Variants in PAPOLB observed in about 807,000 individuals in gnomAD.
PAPOLB encodes poly(A) polymerase beta.
Under a neutral mutation model 23.2 loss-of-function variants are expected in PAPOLB, and 19 were observed. The ratio of observed to expected loss-of-function variants is 0.82; its 90% CI spans 0.57 to 1.20. The LOEUF (loss-of-function observed/expected upper bound fraction) is 1.20. Ranked by LOEUF, PAPOLB falls within the 50% of genes most tolerant of loss-of-function variation. The pLI is 0.00. For synonymous variants in PAPOLB, 360 were observed against 290.7 expected (o/e 1.24, Z -2.43); for missense variants, 822 against 776.8 (o/e 1.06, Z -0.69).
rs770769746 is a variant in PAPOLB, at chr7:4,861,259, G to C, written c.552C>G (p.Asp184Glu). 6.2e-7 allele frequency: 1 copy of C among 1,614,094 alleles called. No individual in the cohort carries two copies. Among genetic ancestry groups the C allele is most frequent in the Non-Finnish European group, 8.5e-7 (1 of 1,179,946 alleles). The change falls in exon 1 of 1, where the codon GAC becomes GAG. Residue 184 changes from aspartate to glutamate, a missense_variant. Around this residue, in one of 3 missense-constraint regions of PAPOLB, gnomAD observed 276 missense variants for 243.9 expected, o/e 1.13. Coordinates refer to ENST00000404991, the MANE Select transcript of PAPOLB (RefSeq NM_020144.5). ...TTTTAAGTAGACTGTCATCTCTTAA[G>C]TCCAAATCTTCTGGAATAGTCTGTA... ...LALQTIPEDL[D>E]LRDDSLLKNL... is the part of the protein sequence containing the mutation.
chr7:4,860,392 CA>C lies in PAPOLB; in HGVS notation c.1418del (p.Val473GlyfsTer10), dbSNP rs761523603. ...TACCCATCTCAAACATCTTACTATTCACTGCTTGCCTATAAACAGTATCTGT... is the reference window on the plus strand; with the variant it reads ...TACCCATCTCAAACATCTTACTATTCCTGCTTGCCTATAAACAGTATCTGT... The part of the protein sequence containing the change: ...SFTDTVYRQA[V>X]NSKMFEMGMK... On this transcript the variant is annotated frameshift_variant, in exon 1 of 1. Coordinates refer to ENST00000404991, the MANE Select transcript of PAPOLB (RefSeq NM_020144.5). LOFTEE classifies it low-confidence loss of function (END_TRUNC). 6.2e-7 allele frequency: 1 copy of C among 1,613,842 alleles called. No individual in the cohort carries two copies. Among genetic ancestry groups the C allele is most frequent in the African/African-American group, 1.3e-5 (1 of 74,934 alleles).
Position 4,861,977 on chromosome 7 carries a change from T to TCCCCTCAGCCCCAACATGGCGCCAGA in PAPOLB, c.-193_-168dup, listed in dbSNP as rs1784021196. The stretch of plus-strand genomic sequence containing the variant: ...CGCCGCTTCAGGAGCTTCTCCTCCT[T>TCCCCTCAGCCCCAACATGGCGCCAGA]CCCCTCAGCCCCAACATGGCGCCAG... On this transcript the variant is annotated 5_prime_UTR_variant, in exon 1 of 1. In the 5' UTR this introduces an upstream ATG that the reference lacks. Transcript: ENST00000404991. 2.2e-6 allele frequency: 1 copy of TCCCCTCAGCCCCAACATGGCGCCAGA among 455,052 alleles called. No individual in the cohort carries two copies. The highest frequency in any genetic ancestry group is 2.1e-5 in the African/African-American group (1 of 48,676). The allele number at this position is 455,052 out of a possible 1,614,324, so 28.2% of individuals were successfully genotyped here. A position where few individuals can be genotyped will look rare whatever the true frequency, so the allele number is the denominator to read the frequency against.
Position 4,861,834 on chromosome 7 carries a change from G to GCACGTCCCCACCACCGCGACCTT in PAPOLB, c.-25_-24insAAGGTCGCGGTGGTGGGGACGTG, listed in dbSNP as rs1554264945. On this transcript the variant is annotated 5_prime_UTR_variant, in exon 1 of 1. An upstream open reading frame in the 5' UTR loses its in-frame stop. Transcript: ENST00000404991. ...ATCTTTCAGCGCCCGCCCCGCCAGG[G>GCACGTCCCCACCACCGCGACCTT]CACGTCCCCCACCACCGCGACCTTC... The GCACGTCCCCACCACCGCGACCTT allele has an allele frequency of 1.6e-6, 2 of 1,268,416 alleles. No homozygotes were observed. Among genetic ancestry groups the GCACGTCCCCACCACCGCGACCTT allele is most frequent in the Non-Finnish European group, 2.1e-6 (2 of 972,356 alleles). 78.6% of individuals were successfully genotyped at this position (1,268,416 alleles called of 1,614,324 possible).
rs1294688105 is a variant in PAPOLB at position 4,861,732 on chromosome 7, T to G, written c.79A>C (p.Ile27Leu). 1 of 1,527,170 alleles carries G rather than the reference T, an allele frequency of 6.5e-7. No individual in the cohort carries two copies. The highest frequency in any genetic ancestry group is 1.4e-5 in the African/African-American group (1 of 71,862). 94.6% of individuals were successfully genotyped at this position (1,527,170 alleles called of 1,614,324 possible). ...GTCTCCTTGGGGACCGCTAGACTGA[T>G]AGGCGAGGAGACGCCGTAGCGATTC... ...PPNRYGVSSP[I>L]SLAVPKETDC... Residue 27 changes from isoleucine to leucine, a missense_variant, in exon 1 of 1, where the codon ATC (isoleucine) becomes CTC (leucine). Ile to Leu is a conservative substitution (Grantham distance 5, BLOSUM62 2). This residue lies in a region of PAPOLB where 276 missense variants were observed against 243.9 expected (regional missense o/e 1.13). Transcript: ENST00000404991.
At position 4,859,997 on chromosome 7, in the gene PAPOLB, G is replaced by A. The variant is rs1783937406; in HGVS notation, c.1814C>T (p.Pro605Leu). 1 of 1,613,994 alleles carries A rather than the reference G, an allele frequency of 6.2e-7. No homozygotes were observed. The highest frequency in any genetic ancestry group is 8.5e-7 in the Non-Finnish European group (1 of 1,179,834). The change falls in exon 1 of 1, where the codon CCA becomes CTA. Residue 605 changes from proline to leucine, a missense_variant. Pro to Leu is a moderately conservative substitution (Grantham distance 98). Transcript: ENST00000404991. ...PHAVSQPAIS[P>L]SPKAMVARVV... is the part of the protein sequence containing the mutation. ...TCTGGCGACCATGGCCTTTGGTGAT[G>A]GAGAAATGGCAGGCTGAGAGACAGC...
Position 4,861,834 on chromosome 7 carries a change from G to GCACGTCCCCCACCACCGAGACCTT in PAPOLB, c.-25_-24insAAGGTCTCGGTGGTGGGGGACGTG. 7.9e-7 allele frequency: 1 copy of GCACGTCCCCCACCACCGAGACCTT among 1,268,420 alleles called. No individual in the cohort carries two copies. The highest frequency in any genetic ancestry group is 1.0e-6 in the Non-Finnish European group (1 of 972,360). 78.6% of individuals were successfully genotyped at this position (1,268,420 alleles called of 1,614,324 possible). A position where few individuals can be genotyped will look rare whatever the true frequency, so the allele number is the denominator to read the frequency against. ...ATCTTTCAGCGCCCGCCCCGCCAGG[G>GCACGTCCCCCACCACCGAGACCTT]CACGTCCCCCACCACCGCGACCTTC... is the stretch of plus-strand genomic sequence containing the variant. On this transcript the variant is annotated 5_prime_UTR_variant, in exon 1 of 1. Coordinates refer to ENST00000404991, the MANE Select transcript of PAPOLB (RefSeq NM_020144.5).
Position 4,859,540 on chromosome 7 carries a change from T to A in PAPOLB, c.*357A>T, listed in dbSNP as rs528724649. On this transcript the variant is annotated 3_prime_UTR_variant, in exon 1 of 1. Transcript: ENST00000404991. ...ATCAAGACTGGCTCAGTAAAGGAAGTTACCAAATGAGCCTCAATCTATTTC... is the reference window on the plus strand; with the variant it reads ...ATCAAGACTGGCTCAGTAAAGGAAGATACCAAATGAGCCTCAATCTATTTC... 38 of 209,800 alleles carry A rather than the reference T, an allele frequency of 1.8e-4. No individual in the cohort carries two copies. The highest frequency in any genetic ancestry group is 7.9e-4 in the African/African-American group (34 of 42,930). The allele number at this position is 209,800 out of a possible 1,614,324, so 13.0% of individuals were successfully genotyped here.
rs1447819547 is a variant in PAPOLB, at chr7:4,860,978, G to A, written c.833C>T (p.Ser278Leu). 6.2e-7 allele frequency: 1 copy of A among 1,614,144 alleles called. No homozygotes were observed. The highest frequency in any genetic ancestry group is 8.5e-7 in the Non-Finnish European group (1 of 1,180,022). The change falls in exon 1 of 1, where the codon TCA becomes TTA. Residue 278 changes from serine (S) to leucine (L), a missense_variant. Transcript: ENST00000404991. ...TLVRKFFLVF[S>L]EWEWPNPVLL... ...CACTGGGTTTGGCCATTCCCATTCT[G>A]AAAATACCAAGAAGAATTTCCGTAC...
At position 4,861,885 on chromosome 7, in the gene PAPOLB, G is replaced by C; in HGVS notation, c.-75C>G. ...GCGGCCGCCGCCCGGGTCATGATCCGCTGAGGCGGAAGGGCAGGGCTTCTA... is the reference window on the plus strand; with the variant it reads ...GCGGCCGCCGCCCGGGTCATGATCCCCTGAGGCGGAAGGGCAGGGCTTCTA... On this transcript the variant is annotated 5_prime_UTR_variant, in exon 1 of 1. Transcript: ENST00000404991. The C allele has an allele frequency of 1.8e-6, 1 of 558,378 alleles. No individual in the cohort carries two copies. Among genetic ancestry groups the C allele is most frequent in the Non-Finnish European group, 2.4e-6 (1 of 412,988 alleles). 34.6% of individuals were successfully genotyped at this position (558,378 alleles called of 1,614,324 possible). A position where few individuals can be genotyped will look rare whatever the true frequency, so the allele number is the denominator to read the frequency against.
In PAPOLB at chr7:4,860,418, T is replaced by G. The variant is rs768350988; in HGVS notation, c.1393A>C (p.Thr465Pro). The change falls in exon 1 of 1, where the codon ACA becomes CCA. Residue 465 changes from threonine (T) to proline (P), a missense_variant. Around this residue, in one of 3 missense-constraint regions of PAPOLB, gnomAD observed 534 missense variants for 502.8 expected, o/e 1.06. Coordinates refer to ENST00000404991, the MANE Select transcript of PAPOLB (RefSeq NM_020144.5). The part of the protein sequence containing the change: ...IDLTYDIQSF[T>P]DTVYRQAVNS... ...ACTGCTTGCCTATAAACAGTATCTG[T>G]GAAAGACTGGATATCATAGGTGAGA... The G allele has an allele frequency of 6.2e-7, 1 of 1,614,176 alleles. No homozygotes were observed. Among genetic ancestry groups the G allele is most frequent in the African/African-American group, 1.3e-5 (1 of 75,066 alleles).
In PAPOLB at chr7:4,861,417, T is replaced by A. The variant is rs1783990912; in HGVS notation, c.394A>T (p.Thr132Ser). The change falls in exon 1 of 1, where the codon ACC becomes TCC. Residue 132 changes from threonine to serine, a missense_variant. By Grantham distance (58) the Thr-to-Ser change is moderately conservative (BLOSUM62 1). Around this residue, in one of 3 missense-constraint regions of PAPOLB, gnomAD observed 276 missense variants for 243.9 expected, o/e 1.13. Transcript: ENST00000404991. ...AGTTTCAGTTTAGCATAGAATGAGG[T>A]GAAAAAGTCGCTTCGATCCACATGA... is the stretch of plus-strand genomic sequence containing the variant. ...PSHVDRSDFF[T>S]SFYAKLKLQE... is the part of the protein sequence containing the mutation. 6.2e-7 allele frequency: 1 copy of A among 1,614,044 alleles called. No homozygotes were observed.
Position 4,861,531 on chromosome 7 carries a change from C to T in PAPOLB, c.280G>A (p.Val94Ile). 2 of 1,614,060 alleles carry T rather than the reference C, an allele frequency of 1.2e-6. No individual in the cohort carries two copies. The highest frequency in any genetic ancestry group is 1.1e-5 in the South Asian group (1 of 91,072). The change falls in exon 1 of 1, where the codon GTT becomes ATT. Residue 94 changes from valine (V) to isoleucine (I), a missense_variant. Physicochemically the swap from Val to Ile is conservative, Grantham distance 29 (BLOSUM62 3). Transcript: ENST00000404991. The part of the protein sequence containing the change: ...KSLPQSVIEN[V>I]GGKIFTFGSY... ...CCAAACGTAAAAATCTTTCCTCCAA[C>T]GTTTTCAATTACAGACTGGGGAAGA... is the stretch of plus-strand genomic sequence containing the variant.
Position 4,859,084 on chromosome 7 carries a change from C to T in PAPOLB, c.*813G>A, listed in dbSNP as rs1281294201. ...ACTAATGGTTGATGTCAAAAACATA[C>T]CTTAAAGTTGACATTTCATTTTAAA... is the stretch of plus-strand genomic sequence containing the variant. On this transcript the variant is annotated 3_prime_UTR_variant, in exon 1 of 1. Coordinates refer to ENST00000404991, the MANE Select transcript of PAPOLB (RefSeq NM_020144.5). 1 of 152,146 alleles carries T rather than the reference C, an allele frequency of 6.6e-6. No homozygotes were observed. The highest frequency in any genetic ancestry group is 1.5e-5 in the Non-Finnish European group (1 of 68,008). 9.4% of individuals were successfully genotyped at this position (152,146 alleles called of 1,614,324 possible). A position where few individuals can be genotyped will look rare whatever the true frequency, so the allele number is the denominator to read the frequency against.
Position 4,861,550 on chromosome 7 carries a change from G to C in PAPOLB, c.261C>G (p.Pro87=), listed in dbSNP as rs750007541. The C allele has an allele frequency of 4.3e-6, 7 of 1,614,012 alleles. No individual in the cohort carries two copies. Among genetic ancestry groups the C allele is most frequent in the Non-Finnish European group, 5.9e-6 (7 of 1,179,902 alleles). Residue 87 remains proline, a synonymous_variant, in exon 1 of 1, where the codon CCC becomes CCG. Coordinates refer to ENST00000404991, the MANE Select transcript of PAPOLB (RefSeq NM_020144.5). ...IREISESKSL[P]QSVIENVGGK... The stretch of plus-strand genomic sequence containing the variant: ...CTCCAACGTTTTCAATTACAGACTG[G>C]GGAAGACTCTTGCTTTCACTGATTT...
Position 4,857,792 on chromosome 7 carries a change from T to A in PAPOLB, c.*2105A>T, listed in dbSNP as rs1292010241. ...TAATGGAGAAATAAGTCATCTGTTT[T>A]CAAAACAGTGCTTGAATATACCAGG... On this transcript the variant is annotated 3_prime_UTR_variant, in exon 1 of 1. Transcript: ENST00000404991. The A allele has an allele frequency of 1.3e-5, 2 of 152,624 alleles. No homozygotes were observed. The highest frequency in any genetic ancestry group is 4.8e-5 in the African/African-American group (2 of 41,442). The allele number at this position is 152,624 out of a possible 1,614,324, so 9.5% of individuals were successfully genotyped here. A position where few individuals can be genotyped will look rare whatever the true frequency, so the allele number is the denominator to read the frequency against.
chr7:4,860,577 T>C lies in PAPOLB; in HGVS notation c.1234A>G (p.Ile412Val). ...TGTGGATTCACATGTGCCAGTGTAA[T>C]AAATTCATTCTTCTCCAAGCTCCCA... Reference protein sequence around the residue: ...LVGSLEKNEFITLAHVNPQSF... With the variant: ...LVGSLEKNEFVTLAHVNPQSF... Residue 412 changes from isoleucine (I) to valine (V), a missense_variant, in exon 1 of 1, where the codon ATT (isoleucine) becomes GTT (valine). Coordinates refer to ENST00000404991, the MANE Select transcript of PAPOLB (RefSeq NM_020144.5). 1.2e-6 allele frequency: 2 copies of C among 1,614,238 alleles called. No homozygotes were observed. Among genetic ancestry groups the C allele is most frequent in the Non-Finnish European group, 1.7e-6 (2 of 1,180,026 alleles).
Position 4,860,921 on chromosome 7 carries a change from T to C in PAPOLB, c.890A>G (p.Asn297Ser), listed in dbSNP as rs1483329693. The C allele has an allele frequency of 6.2e-7, 1 of 1,614,208 alleles. No individual in the cohort carries two copies. Among genetic ancestry groups the C allele is most frequent in the South Asian group, 1.1e-5 (1 of 91,084 alleles). The part of the protein sequence containing the change: ...LLKEPEERNL[N>S]LPVWDPRVNP... The stretch of plus-strand genomic sequence containing the variant: ...TACTCTTGGGTCCCATACAGGCAAA[T>C]TAAGATTCCGTTCTTCAGGCTCCTT... Residue 297 changes from asparagine to serine, a missense_variant, in exon 1 of 1, where the codon AAT becomes AGT. Asn to Ser is a conservative substitution (Grantham distance 46). Coordinates refer to ENST00000404991, the MANE Select transcript of PAPOLB (RefSeq NM_020144.5).
chr7:4,861,444 T>C lies in PAPOLB; in HGVS notation c.367A>G (p.Ser123Gly). The change falls in exon 1 of 1, where the codon AGT becomes GGT. Residue 123 changes from serine (S) to glycine (G), a missense_variant. Around this residue, in one of 3 missense-constraint regions of PAPOLB, gnomAD observed 276 missense variants for 243.9 expected, o/e 1.13. Coordinates refer to ENST00000404991, the MANE Select transcript of PAPOLB (RefSeq NM_020144.5). ...AAAAAGTCGCTTCGATCCACATGAC[T>C]TGGTGCAACGCACAAGGCGTCAATA... ...ADIDALCVAP[S>G]HVDRSDFFTS... 6.2e-7 allele frequency: 1 copy of C among 1,614,168 alleles called. No individual in the cohort carries two copies. The highest frequency in any genetic ancestry group is 8.5e-7 in the Non-Finnish European group (1 of 1,179,994).
In PAPOLB at chr7:4,861,229, T is replaced by C. The variant is rs1284480527; in HGVS notation, c.582A>G (p.Leu194=). 6.2e-7 allele frequency: 1 copy of C among 1,614,180 alleles called. No individual in the cohort carries two copies. Among genetic ancestry groups the C allele is most frequent in the South Asian group, 1.1e-5 (1 of 91,074 alleles). ...TAAGGCTTCTTATGCATCTAATGTC[T>C]AAATTTTTAAGTAGACTGTCATCTC... ...DLRDDSLLKN[L]DIRCIRSLNG... is the part of the protein sequence containing the mutation. The change falls in exon 1 of 1, where the codon TTA becomes TTG. Residue 194 remains leucine (L), a synonymous_variant. Coordinates refer to ENST00000404991, the MANE Select transcript of PAPOLB (RefSeq NM_020144.5).
Sources: allele counts gnomAD v4.1 joint callset, GRCh38; gene constraint gnomAD v4.1.1; regional missense constraint gnomAD v4.1.1; transcripts MANE v1.5; gene names NCBI Gene and HGNC (gene_info 2026-07-23, HGNC 2026-07-21).